The following DPP10 variants were observed in gnomAD, a reference collection of about 807,000 sequenced individuals.
The protein encoded by DPP10 is inactive dipeptidyl peptidase 10.
In DPP10, 33 loss-of-function variants were observed where a neutral mutation model predicts 120.9. That is an observed-to-expected ratio of 0.27 (90% CI 0.21 to 0.37). The LOEUF (loss-of-function observed/expected upper bound fraction) is 0.37, where lower values mean the gene tolerates loss of function less well. DPP10 is among the 10% of genes least tolerant of loss of function. The pLI is 1.00. For missense variants in DPP10, 816 were observed against 942.8 expected (o/e 0.87, Z 1.76); for synonymous variants, 337 against 326.1 (o/e 1.03, Z -0.36).
chr2:114,647,226 C>T (rs2105463570), intron 1 of DPP10, among the ~76,000 whole-genome samples: 1 of 152,268 alleles, frequency 6.6e-6, no homozygotes, highest in African/African-American at 2.4e-5. Flanking sequence ...TCTATCTTCC[C>T]TTGTTATCAC....
intron 3 of DPP10, among the ~76,000 whole-genome samples, chr2:115,367,600 T>C (rs1355524404): frequency 1.3e-5 from 2 of 151,926 alleles, no homozygotes; most frequent in Admixed American, 6.6e-5. Context: ...TATTAAAATA[T>C]GTCTTATAAT....
At chr2:115,450,619 T>C (rs1574883480) in intron 3 of DPP10, among the ~76,000 whole-genome samples, 3 of 152,110 alleles carry the variant, frequency 2.0e-5, no homozygotes, top group Non-Finnish European at 2.9e-5. Flanking sequence ...ATCGTGACTT[T>C]AGGATGACCA....
intron 1 of DPP10, among the ~76,000 whole-genome samples, chr2:114,875,378 C>A (rs973565207): frequency 1.3e-5 from 2 of 151,992 alleles, no homozygotes; most frequent in Non-Finnish European, 2.9e-5. Context: ...TAGTGTGTGC[C>A]GTAATGTAAG....
At chr2:115,376,596 A>G (rs2065816357) in intron 3 of DPP10, among the ~76,000 whole-genome samples, 1 of 151,598 alleles carries the variant, frequency 6.6e-6, no homozygotes, top group Non-Finnish European at 1.5e-5. Flanking sequence ...ACATGTGCAC[A>G]ATGTGCAGGT....
chr2:115,076,437 A>G (rs1275320643), intron 1 of DPP10, among the ~76,000 whole-genome samples: 2 of 151,948 alleles, frequency 1.3e-5, no homozygotes, highest in African/African-American at 4.8e-5. Context: ...GAAACAGATC[A>G]GAGAGTGTGC....
intron 1 of DPP10, among the ~76,000 whole-genome samples, chr2:114,472,164 G>T (rs1243664429): frequency 6.6e-6 from 1 of 152,168 alleles, no homozygotes; most frequent in East Asian, 1.9e-4. Context: ...GCTAACTAGT[G>T]TTCACCTAGA....
At position 115,762,521 on chromosome 2, in the gene DPP10, A is replaced by G. The variant is rs774166538; in HGVS notation, c.1075-51A>G. ...TGTTTTAAAAAAGTTAAATTTATAT[A>G]TGCTCATTTTGGTCTTTAGATGCTT... is the stretch of plus-strand genomic sequence containing the variant. On this transcript the variant is annotated intron_variant, in intron 11 of 25. Coordinates refer to ENST00000410059, the MANE Select transcript of DPP10 (RefSeq NM_020868.6). 12 of 1,603,678 alleles carry G rather than the reference A, an allele frequency of 7.5e-6. No individual in the cohort carries two copies. In the African/African-American group the frequency reaches 1.3e-4, roughly 18 times the overall value.
At chr2:115,759,706 T>TACA (rs1679867197) in intron 11 of DPP10, among the ~76,000 whole-genome samples, 4 of 28,720 alleles carry the variant, frequency 1.4e-4, no homozygotes, top group African/African-American at 3.3e-4. Flanking sequence ...CACATATACA[T>TACA]TCATATATAA....
intron 1 of DPP10, among the ~76,000 whole-genome samples, chr2:115,293,549 T>A (rs1432567326): frequency 6.6e-6 from 1 of 152,124 alleles, no homozygotes; most frequent in Non-Finnish European, 1.5e-5. Flanking sequence ...CTTTCTTTTT[T>A]TCACTATTAC....
intron 1 of DPP10, among the ~76,000 whole-genome samples, chr2:114,579,007 A>G (rs1162180497): frequency 6.6e-6 from 1 of 152,058 alleles, no homozygotes; most frequent in African/African-American, 2.4e-5. Context: ...GCTACTCTCA[A>G]ATTTGGTCAC....
chr2:115,074,383 C>T (rs191456834), intron 1 of DPP10, among the ~76,000 whole-genome samples: 7 of 152,150 alleles, frequency 4.6e-5, no homozygotes, highest in Non-Finnish European at 7.4e-5. Context: ...AAATAGTTAC[C>T]TTTAAGAGCT....
chr2:115,386,902 T>TAA (rs199853520), intron 3 of DPP10, among the ~76,000 whole-genome samples: 26 of 137,062 alleles, frequency 1.9e-4, no homozygotes, highest in Admixed American at 2.9e-4. Flanking sequence ...AAGTACTCAG[T>TAA]AAAAAAAAAA....
At chr2:115,476,033 G>A (rs1041226760) in intron 3 of DPP10, among the ~76,000 whole-genome samples, 11 of 152,144 alleles carry the variant, frequency 7.2e-5, no homozygotes, top group African/African-American at 2.2e-4. Flanking sequence ...GTTAAGACTC[G>A]GGGGGACTCT....
chr2:115,128,329 C>T lies in DPP10; in HGVS notation c.61-180910C>T, dbSNP rs183776588. 8.2e-4 allele frequency among the ~76,000 whole-genome samples: 125 copies of T among 152,278 alleles called. 4 individuals carry two copies. Among genetic ancestry groups the T allele is most frequent in the African/African-American group, 2.7e-3 (111 of 41,546 alleles). On this transcript the variant is annotated intron_variant, in intron 1 of 25. Coordinates refer to ENST00000410059, the MANE Select transcript of DPP10 (RefSeq NM_020868.6). Reference sequence around the variant, plus strand: ...CTTATTTTGTTGATGCATCAAAATACTCACATCATTCAAGTCCAGTTCAAA... The same window carrying T: ...CTTATTTTGTTGATGCATCAAAATATTCACATCATTCAAGTCCAGTTCAAA...
At chr2:115,688,033 A>AG (rs2091100921) in intron 5 of DPP10, among the ~76,000 whole-genome samples, 2 of 144,370 alleles carry the variant, frequency 1.4e-5, no homozygotes, top group African/African-American at 5.3e-5. Flanking sequence ...AGAGAGAGAA[A>AG]AAGAGAGAGA....
At chr2:114,911,858 A>G (rs1278065644) in intron 1 of DPP10, among the ~76,000 whole-genome samples, 5 of 152,182 alleles carry the variant, frequency 3.3e-5, no homozygotes, top group Non-Finnish European at 5.9e-5. Flanking sequence ...TCTGTAGAGA[A>G]TGAATAGGAG....
intron 3 of DPP10, 128 bp from the exon 4 acceptor site, chr2:115,499,382 G>A: frequency 4.5e-6 from 3 of 661,884 alleles, no homozygotes; most frequent in East Asian, 5.9e-5. Flanking sequence ...ACAGAAATCT[G>A]CTTGGGTTAT....
intron 1 of DPP10, among the ~76,000 whole-genome samples, chr2:115,113,099 G>C (rs1573658830): frequency 6.6e-6 from 1 of 152,108 alleles, no homozygotes; most frequent in South Asian, 2.1e-4. Context: ...GTATATTTGT[G>C]TGTGTTGTGT....
At chr2:115,611,621 G>A (rs2084105643) in intron 5 of DPP10, among the ~76,000 whole-genome samples, 1 of 152,096 alleles carries the variant, frequency 6.6e-6, no homozygotes, top group South Asian at 2.1e-4. Context: ...ATCTACTGTA[G>A]CTTACAGAAG....
Sources: allele counts gnomAD v4.1 joint callset (sites outside exome capture counted in the v4.1 genomes callset), GRCh38; gene constraint gnomAD v4.1.1; transcripts MANE v1.5; gene names NCBI Gene and HGNC (gene_info 2026-07-23, HGNC 2026-07-21).